ZNF322: variants seen among roughly 807,000 people sequenced by gnomAD.
ZNF322 encodes zinc finger protein 322.
ZNF322 carries 1 observed loss-of-function variant against 18.3 expected under a neutral mutation model. The ratio of observed to expected loss-of-function variants is 0.05; its 90% CI spans 0.02 to 0.26. ZNF322 has a LOEUF of 0.26. ZNF322 is among the 10% of genes least tolerant of loss of function. The pLI, the probability that ZNF322 is intolerant of heterozygous loss-of-function variation, is 1.00. For synonymous variants in ZNF322, 17 were observed against 130.7 expected, an observed-to-expected ratio of 0.13 and a Z score of 5.93; for missense variants, 36 against 403.6, an observed-to-expected ratio of 0.09 and a Z score of 7.80.
intron 2 of ZNF322, among the ~76,000 whole-genome samples, chr6:26,655,474 T>G (rs1393880344): frequency 1.3e-5 from 2 of 152,244 alleles, no homozygotes; most frequent in Non-Finnish European, 2.9e-5. Flanking sequence ...CTCCTAGGGA[T>G]GGCATGTAGC....
intron 2 of ZNF322, among the ~76,000 whole-genome samples, chr6:26,646,748 T>C (rs1364729799): frequency 6.6e-6 from 1 of 152,098 alleles, no homozygotes; most frequent in African/African-American, 2.4e-5. Context: ...TCCACAAAAA[T>C]CTGTCATATA....
intron 2 of ZNF322, among the ~76,000 whole-genome samples, chr6:26,651,780 A>G (rs377120046): frequency 2.1e-3 from 326 of 152,344 alleles, no homozygotes; most frequent in Admixed American, 3.8e-3. Context: ...ACACAAAACT[A>G]TAAAACTTCT....
At chr6:26,649,598 A>G (rs1435331286) in intron 2 of ZNF322, among the ~76,000 whole-genome samples, 1 of 57,048 alleles carries the variant, frequency 1.8e-5, no homozygotes, top group Non-Finnish European at 3.7e-5. Flanking sequence ...ACTAAAAATA[A>G]AAACTTTTTT....
intron 2 of ZNF322, among the ~76,000 whole-genome samples, chr6:26,649,684 TATATATATATA>T (rs1561924872): frequency 8.5e-4 from 26 of 30,430 alleles, no homozygotes; most frequent in South Asian, 3.5e-3. Flanking sequence ...TGTATATATA[TATATATATATA>T]TATATATTTT....
At chr6:26,650,821 T>C (rs557252420) in intron 2 of ZNF322, among the ~76,000 whole-genome samples, 70 of 152,336 alleles carry the variant, frequency 4.6e-4, no homozygotes, top group South Asian at 2.3e-3. Flanking sequence ...TCCACATCCA[T>C]GGATAAGAAG....
intron 2 of ZNF322, among the ~76,000 whole-genome samples, chr6:26,648,164 A>C (rs1765589844): frequency 6.6e-6 from 1 of 152,214 alleles, no homozygotes; most frequent in Non-Finnish European, 1.5e-5. Context: ...TTTCAATATG[A>C]GGAAATCCAC....
chr6:26,648,363 A>G (rs1252969884), intron 2 of ZNF322, among the ~76,000 whole-genome samples: 2 of 152,238 alleles, frequency 1.3e-5, no homozygotes, highest in East Asian at 1.9e-4. Context: ...CTTAAGTTAG[A>G]AAAACTACAA....
At chr6:26,651,618 T>C (rs1765670753) in intron 2 of ZNF322, 1 of 152,196 alleles carries the variant, frequency 6.6e-6, no homozygotes, top group South Asian at 2.1e-4. Flanking sequence ...AAATGGTATG[T>C]GAGGTAATAT....
intron 2 of ZNF322, among the ~76,000 whole-genome samples, chr6:26,654,067 C>T (rs147784230): frequency 0.012 from 1,831 of 152,242 alleles, 21 homozygotes; most frequent in Middle Eastern, 0.034. Flanking sequence ...TAAGGGTACA[C>T]TACTTAATGT....
At chr6:26,645,542 T>C (rs1765541877) in intron 2 of ZNF322, among the ~76,000 whole-genome samples, 1 of 152,126 alleles carries the variant, frequency 6.6e-6, no homozygotes, top group Non-Finnish European at 1.5e-5. Context: ...TCTTGGACCA[T>C]ATCCCCCACA....
chr6:26,645,819 G>A (rs969228543), intron 2 of ZNF322, among the ~76,000 whole-genome samples: 1 of 152,038 alleles, frequency 6.6e-6, no homozygotes, highest in African/African-American at 2.4e-5. Context: ...ATCATATGAG[G>A]TCGGGAGTTC....
intron 3 of ZNF322, among the ~76,000 whole-genome samples, chr6:26,640,613 A>G (rs1229624221): frequency 1.3e-5 from 2 of 151,516 alleles, no homozygotes; most frequent in Non-Finnish European, 2.9e-5. Context: ...CAAAAACAAC[A>G]CTCCTCTCCT....
At chr6:26,639,700 T>C (rs1431873185) in intron 3 of ZNF322, among the ~76,000 whole-genome samples, 16 of 152,152 alleles carry the variant, frequency 1.1e-4, no homozygotes, top group Non-Finnish European at 5.9e-5. Flanking sequence ...CACACTTAAC[T>C]CTCTTCAGTG....
intron 3 of ZNF322, among the ~76,000 whole-genome samples, chr6:26,640,748 T>C (rs1765453021): frequency 6.6e-6 from 1 of 152,166 alleles, no homozygotes; most frequent in Non-Finnish European, 1.5e-5. Context: ...CACTCAAACC[T>C]AGAAGAGGAG....
chr6:26,649,135 C>G (rs1765606930), intron 2 of ZNF322, among the ~76,000 whole-genome samples: 1 of 152,168 alleles, frequency 6.6e-6, no homozygotes, highest in South Asian at 2.1e-4. Context: ...AGTTGCTACT[C>G]AAGTTCACTT....
chr6:26,640,964 G>C (rs1765456963), intron 3 of ZNF322, among the ~76,000 whole-genome samples: 1 of 152,190 alleles, frequency 6.6e-6, no homozygotes, highest in Admixed American at 6.5e-5. Context: ...AAATTAGTAA[G>C]TGTAATGGAC....
In ZNF322 at chr6:26,642,629, A is replaced by C. The variant is rs184092256; in HGVS notation, c.-176+1030T>G. 6.3e-4 allele frequency among the ~76,000 whole-genome samples: 96 copies of C among 152,158 alleles called. No individual in the cohort carries two copies. The East Asian group carries it at 0.018, about 28-fold the overall frequency. The stretch of plus-strand genomic sequence containing the variant: ...TCCTTAGACTACAAGTCCACAGTAT[A>C]CTCTGTCACCGTCATAATCTCAATC... On this transcript the variant is annotated intron_variant, in intron 3 of 3. Transcript: ENST00000415922.
chr6:26,655,455 T>C (rs1765751995), intron 2 of ZNF322, among the ~76,000 whole-genome samples: 1 of 152,220 alleles, frequency 6.6e-6, no homozygotes, highest in African/African-American at 2.4e-5. Flanking sequence ...AATGACTGTT[T>C]TCTCAGTTCT....
rs1554147525 is a variant in ZNF322, at chr6:26,634,515, C to T, written c.*2830G>A. On this transcript the variant is annotated 3_prime_UTR_variant, in exon 4 of 4. Coordinates refer to ENST00000415922, the MANE Select transcript of ZNF322 (RefSeq NM_024639.5). ...TTGAAAAAGTTAATCTAACTACTTA[C>T]CTGAGGTAGATTTAGGTTGGCACTG... The T allele has an allele frequency of 7.0e-6, 1 of 141,966 alleles. No individual in the cohort carries two copies. Among genetic ancestry groups the T allele is most frequent in the Non-Finnish European group, 1.5e-5 (1 of 65,770 alleles). The allele number at this position is 141,966 out of a possible 1,614,324, so 8.8% of individuals were successfully genotyped here.
Sources: gnomAD v4.1 joint callset for allele counts (sites outside exome capture counted in the v4.1 genomes callset) on GRCh38, gnomAD v4.1.1 for gene constraint, MANE v1.5 for transcripts, NCBI Gene and HGNC (gene_info 2026-07-23, HGNC 2026-07-21) for gene names.